The following HDGFL3 variants were observed in gnomAD, a reference collection of about 807,000 sequenced individuals.
HDGFL3 encodes HDGF like 3.
HDGFL3 carries 6 observed loss-of-function variants against 27.6 expected under a neutral mutation model. That is an observed-to-expected ratio of 0.22 (90% CI 0.12 to 0.43). The LOEUF (loss-of-function observed/expected upper bound fraction) is 0.43, where lower values mean the gene tolerates loss of function less well. Ranked by LOEUF, HDGFL3 falls within the 20% of genes least tolerant of loss-of-function variation. The pLI is 1.00. For synonymous variants in HDGFL3, 88 were observed against 88.9 expected (o/e 0.99, Z 0.05); for missense variants, 207 against 250.1 (o/e 0.83, Z 1.16).
intron 3 of HDGFL3, chr15:83,122,654 C>T: frequency 7.5e-7 from 1 of 1,326,934 alleles, no homozygotes; most frequent in Non-Finnish European, 1.0e-6. Flanking sequence ...ATTGTCTGGC[C>T]CATAGCAAAA....
intron 1 of HDGFL3, among the ~76,000 whole-genome samples, chr15:83,206,673 G>A (rs1851218778): frequency 6.6e-6 from 1 of 152,224 alleles, no homozygotes; most frequent in African/African-American, 2.4e-5. Flanking sequence ...GGACCCACCA[G>A]TCAGAGGTAG....
intron 1 of HDGFL3, among the ~76,000 whole-genome samples, chr15:83,183,640 A>G (rs2037406220): frequency 6.6e-6 from 1 of 152,084 alleles, no homozygotes; most frequent in Non-Finnish European, 1.5e-5. Flanking sequence ...ACGCACCTGT[A>G]ATCAGAGGTT....
intron 5 of HDGFL3, among the ~76,000 whole-genome samples, chr15:83,145,481 C>A (rs989435089): frequency 6.6e-6 from 1 of 152,172 alleles, no homozygotes; most frequent in Non-Finnish European, 1.5e-5. Context: ...TAGCTCTGTT[C>A]TCTCCCACAG....
At chr15:83,202,018 C>A (rs965952694) in intron 1 of HDGFL3, among the ~76,000 whole-genome samples, 1 of 152,124 alleles carries the variant, frequency 6.6e-6, no homozygotes, top group African/African-American at 2.4e-5. Context: ...CCAAATGATT[C>A]TCTGAAAATA....
intron 1 of HDGFL3, among the ~76,000 whole-genome samples, chr15:83,203,793 CTT>C (rs1305032803): frequency 6.8e-6 from 1 of 147,238 alleles, no homozygotes; most frequent in African/African-American, 2.7e-5. Flanking sequence ...CTTTTAGTTT[CTT>C]TTTGTGTTTA....
intron 1 of HDGFL3, among the ~76,000 whole-genome samples, chr15:83,175,623 G>C (rs1166519082): frequency 6.6e-6 from 1 of 152,338 alleles, no homozygotes; most frequent in South Asian, 2.1e-4. Flanking sequence ...GCTTTGGAAG[G>C]CCGAGGTGGG....
intron 1 of HDGFL3, among the ~76,000 whole-genome samples, chr15:83,170,818 T>C (rs961547811): frequency 4.0e-5 from 6 of 149,186 alleles, no homozygotes; most frequent in African/African-American, 1.5e-4. Context: ...CTGCAAACTA[T>C]GCATCCAACA....
intron 4 of HDGFL3, among the ~76,000 whole-genome samples, chr15:83,152,690 A>G (rs1418367000): frequency 4.6e-5 from 7 of 151,632 alleles, no homozygotes; most frequent in African/African-American, 1.7e-4. Context: ...CTCGAAAAAA[A>G]AAAAAAAAAC....
intron 2 of HDGFL3, among the ~76,000 whole-genome samples, chr15:83,159,124 A>T (rs2037066740): frequency 6.6e-6 from 1 of 152,164 alleles, no homozygotes; most frequent in South Asian, 2.1e-4. Flanking sequence ...TACAGGCATA[A>T]GCCACCGTGC....
rs2036519772 is a variant in HDGFL3 at position 83,135,043 on chromosome 15, C to T, written c.*4227G>A. On this transcript the variant is annotated 3_prime_UTR_variant, in exon 6 of 6. Coordinates refer to ENST00000299633, the MANE Select transcript of HDGFL3 (RefSeq NM_016073.4). The stretch of plus-strand genomic sequence containing the variant: ...GTTGTATCTGAGGGCCGAGTCCTCT[C>T]AGTGCCTCATGGATCACAATGTAGA... The T allele has an allele frequency of 6.6e-6, 1 of 152,228 alleles. No individual in the cohort carries two copies. The highest frequency in any genetic ancestry group is 6.5e-5 in the Admixed American group (1 of 15,286). The allele number at this position is 152,228 out of a possible 1,614,324, so 9.4% of individuals were successfully genotyped here.
At chr15:83,191,686 AC>A in intron 1 of HDGFL3, among the ~76,000 whole-genome samples, 1 of 152,272 alleles carries the variant, frequency 6.6e-6, no homozygotes, top group Admixed American at 6.5e-5. Context: ...CTTTTATTAT[AC>A]TCTGGATATG....
At chr15:83,124,456 G>A (rs1016929958), downstream of HDGFL3, among the ~76,000 whole-genome samples, 9 of 152,056 alleles carry the variant, frequency 5.9e-5, no homozygotes, top group African/African-American at 1.7e-4. Context: ...AGAGCCCTTC[G>A]AGAGATCATT....
At chr15:83,180,821 G>C (rs1332097351) in intron 1 of HDGFL3, 1 of 151,858 alleles carries the variant, frequency 6.6e-6, no homozygotes, top group Non-Finnish European at 1.5e-5. Flanking sequence ...AATTTTAGTA[G>C]AGACAGGGTT....
intron 4 of HDGFL3, among the ~76,000 whole-genome samples, chr15:83,156,587 C>T (rs1220763003): frequency 6.6e-6 from 1 of 152,198 alleles, no homozygotes; most frequent in East Asian, 1.9e-4. Context: ...AATGTTTGGT[C>T]AGTGACAGAC....
chr15:83,115,824 C>T lies in HDGFL3; in HGVS notation c.394-83G>A, dbSNP rs781064647. Reference sequence around the variant, plus strand: ...GTCTCCTGAGCTATTGCTTTTTAAACTGCTGCTTTCTTTGCTCTAGTGTAT... The same window carrying T: ...GTCTCCTGAGCTATTGCTTTTTAAATTGCTGCTTTCTTTGCTCTAGTGTAT... On this transcript the variant is annotated intron_variant, in intron 3 of 3. Transcript: ENST00000568294. 13 of 1,568,646 alleles carry T rather than the reference C, an allele frequency of 8.3e-6. No homozygotes were observed. The East Asian group carries it at 2.0e-4, about 24-fold the overall frequency.
intron 1 of HDGFL3, among the ~76,000 whole-genome samples, chr15:83,173,359 G>A (rs1003461950): frequency 2.0e-5 from 3 of 152,180 alleles, no homozygotes; most frequent in Admixed American, 6.5e-5. Flanking sequence ...ATAGGCTAAT[G>A]TAAGTGTTCT....
intron 1 of HDGFL3, among the ~76,000 whole-genome samples, chr15:83,192,486 G>A (rs923377768): frequency 6.6e-6 from 1 of 152,108 alleles, no homozygotes; most frequent in Non-Finnish European, 1.5e-5. Context: ...AATTTTTGAT[G>A]AGTCAATGTA....
Position 83,207,686 on chromosome 15 carries a change from C to CCGG in HDGFL3, c.-273_-272insCCG, listed in dbSNP as rs1025990279. ...GCGTCCGGCCGCGCCAAGGTCCCCG[C>CCGG]CGCCGCCGCCGCCGCCGCCGCGCGC... On this transcript the variant is annotated 5_prime_UTR_variant, in exon 1 of 6. Transcript: ENST00000299633. The surrounding 1 kb of genome is among the most constrained non-coding windows in gnomAD (Gnocchi z 4.8). 1 of 148,180 alleles carries CCGG rather than the reference C, an allele frequency of 6.7e-6. No homozygotes were observed. Among genetic ancestry groups the CCGG allele is most frequent in the African/African-American group, 2.6e-5 (1 of 38,084 alleles). 9.2% of individuals were successfully genotyped at this position (148,180 alleles called of 1,614,324 possible). A position where few individuals can be genotyped will look rare whatever the true frequency, so the allele number is the denominator to read the frequency against.
At chr15:83,163,316 C>G (rs1007517429) in intron 2 of HDGFL3, among the ~76,000 whole-genome samples, 1 of 152,144 alleles carries the variant, frequency 6.6e-6, no homozygotes, top group Non-Finnish European at 1.5e-5. Context: ...CTCTTTCCTC[C>G]TTCCCACTGC....
Sources: allele counts gnomAD v4.1 joint callset (sites outside exome capture counted in the v4.1 genomes callset), GRCh38; gene constraint gnomAD v4.1.1; non-coding constraint Gnocchi (gnomAD v3.1); transcripts MANE v1.5; gene names NCBI Gene and HGNC (gene_info 2026-07-23, HGNC 2026-07-21).